Variants in DNAH2 observed in about 807,000 individuals in gnomAD.
DNAH2 encodes the protein axonemal beta dynein heavy chain 2.
Under a neutral mutation model 523.5 loss-of-function variants are expected in DNAH2, and 323 were observed. That is an observed-to-expected ratio of 0.62 (90% CI 0.56 to 0.68). DNAH2 has a LOEUF of 0.68. Among genes scored for constraint, DNAH2 ranks in the 30% least tolerant of loss-of-function variants. The probability of loss-of-function intolerance (pLI) is 0.00; values close to 1 mark genes in which losing one functional copy is unlikely to be tolerated. For missense variants in DNAH2, 4,907 were observed against 5,701.5 expected (o/e 0.86, Z 4.49); for synonymous variants, 2,093 against 2,177.4 (o/e 0.96, Z 1.08).
intron 63 of DNAH2, among the ~76,000 whole-genome samples, chr17:7,808,662 T>G (rs1678958167): frequency 6.6e-6 from 1 of 152,116 alleles, no homozygotes; most frequent in Non-Finnish European, 1.5e-5. Flanking sequence ...CAGGCTGGAG[T>G]GCAGTGGCGC....
chr17:7,742,874 C>T (rs1022113879), intron 11 of DNAH2, 54 bp from the exon 12 acceptor site: 33 of 1,277,584 alleles, frequency 2.6e-5, no homozygotes, highest in Non-Finnish European at 2.9e-5. Context: ...GAGATGGTGG[C>T]CCCTGGAGGA....
At chr17:7,772,994 G>A (rs990878126) in intron 28 of DNAH2, among the ~76,000 whole-genome samples, 2 of 151,914 alleles carry the variant, frequency 1.3e-5, no homozygotes, top group Non-Finnish European at 2.9e-5. Flanking sequence ...GGCTGGTCTC[G>A]AACTCCTGAC....
rs1162534309 is a variant in DNAH2 at position 7,807,319 on chromosome 17, G to A, written c.9612G>A (p.Glu3204=). Residue 3204 remains glutamate, a splice_region_variant and synonymous_variant, in exon 62 of 86, where the codon GAG becomes GAA. Transcript: ENST00000572933. The surrounding 1 kb of genome is among the most constrained non-coding windows in gnomAD (Gnocchi z 5.6). ...KSLCMWVRAM[E]LYGRLYRVVE... ...TCTGCATGTGGGTGCGGGCCATGGA[G>A]GTAAAGGCGTCAGGGCTGGGGCGGG... The A allele has an allele frequency of 6.2e-7, 1 of 1,612,504 alleles. No homozygotes were observed. The highest frequency in any genetic ancestry group is 8.5e-7 in the Non-Finnish European group (1 of 1,179,610).
At chr17:7,805,507 C>T (rs1269877860) in intron 61 of DNAH2, 114 bp downstream of exon 61, 14 of 1,464,258 alleles carry the variant, frequency 9.6e-6, no homozygotes, top group African/African-American at 1.4e-5. Flanking sequence ...TTCTTACCCT[C>T]AAGAGCACAG....
chr17:7,771,718 A>T (rs1010167640), intron 28 of DNAH2, among the ~76,000 whole-genome samples: 1 of 150,954 alleles, frequency 6.6e-6, no homozygotes. Flanking sequence ...TTTATTTATT[A>T]AAAAAAATTT....
rs550255092 is a variant in DNAH2 at position 7,741,014 on chromosome 17, T to C, written c.1689+22T>C. The C allele has an allele frequency of 4.7e-5, 75 of 1,581,024 alleles. 2 individuals are homozygous for C. In the South Asian group the frequency reaches 8.2e-4, roughly 17 times the overall value. On this transcript the variant is annotated intron_variant, in intron 11 of 85. Transcript: ENST00000572933. The stretch of plus-strand genomic sequence containing the variant: ...GACCGTAAGTGCCTGGCCTTCTCCA[T>C]ATTCTGTCGTCAGTGAGACCGCCAG...
intron 14 of DNAH2, 97 bp from the exon 15 acceptor site, chr17:7,758,788 T>A: frequency 6.4e-7 from 1 of 1,568,552 alleles, no homozygotes; most frequent in Non-Finnish European, 8.6e-7. Flanking sequence ...TTTTTGTGTG[T>A]CATCCAGTCT....
intron 35 of DNAH2, 55 bp downstream of exon 35, chr17:7,778,524 A>G (rs1264373436): frequency 6.6e-7 from 1 of 1,508,178 alleles, no homozygotes; most frequent in East Asian, 2.4e-5. Flanking sequence ...TTCGTCCCAG[A>G]AAATAAACTG....
intron 77 of DNAH2, among the ~76,000 whole-genome samples, chr17:7,824,928 C>G (rs2279621): frequency 0.61 from 92,864 of 152,076 alleles, 28,612 homozygotes; most frequent in Middle Eastern, 0.78. Context: ...TCATGTGCCA[C>G]GCACTGTTCT....
intron 8 of DNAH2, chr17:7,737,882 T>C: frequency 1.5e-6 from 1 of 679,488 alleles, no homozygotes; most frequent in Non-Finnish European, 2.7e-6. Context: ...GGCTGAGACA[T>C]GAAGCACGGG....
chr17:7,799,612 C>T (rs560203677), intron 56 of DNAH2, among the ~76,000 whole-genome samples: 2 of 152,176 alleles, frequency 1.3e-5, no homozygotes, highest in African/African-American at 2.4e-5. Flanking sequence ...ATCAGGAGAT[C>T]GAGACCATGC....
At chr17:7,801,159 T>C (rs901399271) in intron 56 of DNAH2, among the ~76,000 whole-genome samples, 2 of 151,976 alleles carry the variant, frequency 1.3e-5, no homozygotes, top group Admixed American at 6.6e-5. Flanking sequence ...AGGCACAAAC[T>C]CCAGTGCCCG....
chr17:7,739,478 C>T (rs1181506647), intron 8 of DNAH2, among the ~76,000 whole-genome samples: 2 of 152,258 alleles, frequency 1.3e-5, no homozygotes, highest in East Asian at 1.9e-4. Flanking sequence ...CCTACTACCA[C>T]ACCGCTTTTT....
At chr17:7,729,622 G>A (rs1192878132) in intron 4 of DNAH2, among the ~76,000 whole-genome samples, 1 of 152,112 alleles carries the variant, frequency 6.6e-6, no homozygotes, top group Non-Finnish European at 1.5e-5. Flanking sequence ...TAGAGATGGG[G>A]TTTCTCCATG....
intron 1 of DNAH2, among the ~76,000 whole-genome samples, chr17:7,719,082 C>T (rs926682312): frequency 1.3e-5 from 2 of 149,904 alleles, no homozygotes; most frequent in African/African-American, 4.9e-5. Flanking sequence ...TACCCCGGGG[C>T]AGAGATAGAG....
intron 39 of DNAH2, among the ~76,000 whole-genome samples, chr17:7,784,379 T>G (rs1265358569): frequency 6.6e-6 from 1 of 152,098 alleles, no homozygotes; most frequent in Non-Finnish European, 1.5e-5. Flanking sequence ...GAAACTGGAC[T>G]CAATAATTGG....
At chr17:7,793,324 G>T in intron 48 of DNAH2, 119 bp downstream of exon 48, 2 of 1,052,784 alleles carry the variant, frequency 1.9e-6, no homozygotes, top group Non-Finnish European at 2.7e-6. Flanking sequence ...CCACACAGGA[G>T]CGTCCTTCTC....
At chr17:7,731,269 G>T (rs940693154) in intron 4 of DNAH2, among the ~76,000 whole-genome samples, 1 of 152,004 alleles carries the variant, frequency 6.6e-6, no homozygotes, top group Non-Finnish European at 1.5e-5. Context: ...ATTCTGGATT[G>T]GGTCTTTCAA....
intron 63 of DNAH2, among the ~76,000 whole-genome samples, chr17:7,809,337 G>GT (rs2077448987): frequency 6.6e-6 from 1 of 151,852 alleles, no homozygotes; most frequent in South Asian, 2.1e-4. Context: ...GCTCATCCCC[G>GT]TTTTTTTCCT....
Sources: gnomAD v4.1 joint callset for allele counts (sites outside exome capture counted in the v4.1 genomes callset) on GRCh38, gnomAD v4.1.1 for gene constraint, Gnocchi (gnomAD v3.1) non-coding constraint, MANE v1.5 for transcripts, NCBI Gene and HGNC (gene_info 2026-07-23, HGNC 2026-07-21) for gene names.